Variants in DNAI2 observed in about 807,000 individuals in gnomAD.
The protein encoded by DNAI2 is dynein axonemal intermediate chain 2.
A neutral mutation model predicts 74.7 loss-of-function variants in DNAI2; 63 were observed. That is an observed-to-expected ratio of 0.84 (90% CI 0.69 to 1.04). The LOEUF is 1.04. DNAI2 is among the 50% of genes least tolerant of loss of function. DNAI2 has a pLI of 0.00. For missense variants in DNAI2, 688 were observed against 803.2 expected (o/e 0.86, Z 1.73); for synonymous variants, 289 against 314.9 (o/e 0.92, Z 0.87).
chr17:74,292,741 C>T (rs1215347219), intron 6 of DNAI2, among the ~76,000 whole-genome samples: 1 of 151,656 alleles, frequency 6.6e-6, no homozygotes, highest in Non-Finnish European at 1.5e-5. Flanking sequence ...TTTATTGAGA[C>T]TTGTTTTATG....
rs549880425 is a variant in DNAI2, at chr17:74,309,060, C to CA, written c.1212-174dup. ...CCTGGGCAACAGAGCAAGAGTGTCT[C>CA]AAAAAAAAAAAAAAAAAAAGCAACC... is the stretch of plus-strand genomic sequence containing the variant. On this transcript the variant is annotated intron_variant, in intron 9 of 13. Coordinates refer to ENST00000311014, the MANE Select transcript of DNAI2 (RefSeq NM_023036.6). 0.025 allele frequency among the ~76,000 whole-genome samples: 1,339 copies of CA among 53,362 alleles called. 15 individuals are homozygous for CA. The highest frequency in any genetic ancestry group is 0.064 in the South Asian group (100 of 1,554). The allele number at this position is 53,362 out of a possible 152,430, so 35.0% of individuals were successfully genotyped here.
chr17:74,282,610 T>G (rs1465862222), intron 2 of DNAI2, among the ~76,000 whole-genome samples: 4 of 152,156 alleles, frequency 2.6e-5, no homozygotes, highest in East Asian at 1.9e-4. Context: ...GTGGGAGAGA[T>G]ATTCTGAGGG....
chr17:74,306,945 T>C (rs574594577), intron 9 of DNAI2, among the ~76,000 whole-genome samples: 1 of 152,262 alleles, frequency 6.6e-6, no homozygotes, highest in African/African-American at 2.4e-5. Context: ...AAATCCAGAT[T>C]CTCAGCCCCA....
At chr17:74,285,502 T>C (rs910384543) in intron 3 of DNAI2, among the ~76,000 whole-genome samples, 2 of 152,168 alleles carry the variant, frequency 1.3e-5, no homozygotes, top group Non-Finnish European at 2.9e-5. Flanking sequence ...ATTCATTCAT[T>C]TGACAAATTT....
At chr17:74,297,916 G>A (rs1300153883) in intron 6 of DNAI2, among the ~76,000 whole-genome samples, 3 of 152,174 alleles carry the variant, frequency 2.0e-5, no homozygotes, top group Non-Finnish European at 2.9e-5. Context: ...CAGGATGGCT[G>A]AGAAACTCCT....
At chr17:74,311,640 A>T (rs990885822) in intron 11 of DNAI2, among the ~76,000 whole-genome samples, 3 of 152,058 alleles carry the variant, frequency 2.0e-5, no homozygotes, top group African/African-American at 7.2e-5. Flanking sequence ...AAAAAAGGAA[A>T]ACCCCTAGTG....
At chr17:74,308,450 C>T (rs984685070) in intron 9 of DNAI2, among the ~76,000 whole-genome samples, 1 of 152,202 alleles carries the variant, frequency 6.6e-6, no homozygotes, top group Non-Finnish European at 1.5e-5. Context: ...TCCAGCAACA[C>T]GTGCCTGCTG....
At position 74,300,968 on chromosome 17, in the gene DNAI2, T is replaced by C; in HGVS notation, c.865-78T>C. The C allele has an allele frequency of 6.3e-7, 1 of 1,594,966 alleles. No individual in the cohort carries two copies. The highest frequency in any genetic ancestry group is 2.1e-4 in the Middle Eastern group (1 of 4,804). ...GGCCCAGTGGCTGACCCCAGGACGG[T>C]GGGGTGAGGGCGGAGAAGGCAAAAG... On this transcript the variant is annotated intron_variant, in intron 7 of 13. Transcript: ENST00000311014. This position sits in a 1 kb window ranked among gnomAD's most constrained non-coding sequence, Gnocchi z 4.5.
At position 74,311,999 on chromosome 17, in the gene DNAI2, C is replaced by T. The variant is rs765760420; in HGVS notation, c.1495-4C>T. On this transcript the variant is annotated splice_region_variant and splice_polypyrimidine_tract_variant and intron_variant, in intron 11 of 13. Coordinates refer to ENST00000311014, the MANE Select transcript of DNAI2 (RefSeq NM_023036.6). ...CCGGGCTCTCTCTGTCCCTGGGTGC[C>T]CAGATGTTTGAGCGTGAGACCCGGC... 3.7e-6 allele frequency: 6 copies of T among 1,611,208 alleles called. No homozygotes were observed. The Admixed American group carries it at 5.0e-5, about 13-fold the overall frequency.
intron 9 of DNAI2, among the ~76,000 whole-genome samples, chr17:74,308,640 G>A (rs1328352752): frequency 6.6e-6 from 1 of 152,150 alleles, no homozygotes; most frequent in Admixed American, 6.5e-5. Flanking sequence ...TCCCATCTCA[G>A]CCTCCCGAGG....
chr17:74,276,350 C>T (rs899767061), intron 1 of DNAI2, among the ~76,000 whole-genome samples: 40 of 152,274 alleles, frequency 2.6e-4, no homozygotes, highest in African/African-American at 7.2e-4. Flanking sequence ...GTGTTCTTCA[C>T]GCCTCTGGGA....
chr17:74,292,976 C>A (rs1314099224), intron 6 of DNAI2, among the ~76,000 whole-genome samples: 1 of 152,020 alleles, frequency 6.6e-6, no homozygotes, highest in South Asian at 2.1e-4. Flanking sequence ...ACTACAGGTG[C>A]CTGCCACCAC....
At chr17:74,306,841 CT>C (rs2053217476) in intron 9 of DNAI2, among the ~76,000 whole-genome samples, 1 of 152,254 alleles carries the variant, frequency 6.6e-6, no homozygotes, top group Non-Finnish European at 1.5e-5. Flanking sequence ...TGGTCTCAAA[CT>C]CCTGACCTCA....
intron 6 of DNAI2, among the ~76,000 whole-genome samples, chr17:74,298,436 C>T (rs959437092): frequency 1.3e-5 from 2 of 152,118 alleles, no homozygotes; most frequent in South Asian, 2.1e-4. Context: ...TCCTGAGAAG[C>T]TGGGATTACA....
intron 8 of DNAI2, among the ~76,000 whole-genome samples, chr17:74,301,377 C>A (rs2052752104): frequency 6.6e-6 from 1 of 152,214 alleles, no homozygotes; most frequent in African/African-American, 2.4e-5. Flanking sequence ...ACACCATAGT[C>A]ATCATGGCAC....
chr17:74,300,914 C>A lies in DNAI2; in HGVS notation c.865-132C>A. 1.6e-6 allele frequency: 2 copies of A among 1,273,816 alleles called. No individual in the cohort carries two copies. The highest frequency in any genetic ancestry group is 2.2e-6 in the Non-Finnish European group (2 of 892,294). 78.9% of individuals were successfully genotyped at this position (1,273,816 alleles called of 1,614,324 possible). On this transcript the variant is annotated intron_variant, in intron 7 of 13. Transcript: ENST00000311014. The surrounding 1 kb of genome is among the most constrained non-coding windows in gnomAD (Gnocchi z 4.5). ...GCAATCCTCAAAGTGTATTTGCTCC[C>A]ACGAATTGCCGGGAGCTCCATCCTT...
At chr17:74,278,777 A>G (rs926725831) in intron 1 of DNAI2, among the ~76,000 whole-genome samples, 18 of 152,272 alleles carry the variant, frequency 1.2e-4, no homozygotes, top group African/African-American at 4.3e-4. Context: ...CCATCTCAAA[A>G]AAAAAGAAAG....
intron 4 of DNAI2, among the ~76,000 whole-genome samples, chr17:74,288,785 C>G (rs2051907366): frequency 6.6e-6 from 1 of 152,006 alleles, no homozygotes; most frequent in Non-Finnish European, 1.5e-5. Flanking sequence ...TCTGTGGCCT[C>G]GGTTTTGACC....
Position 74,286,794 on chromosome 17 carries a change from C to T in DNAI2, c.346-183C>T, listed in dbSNP as rs190747648. 3.2e-4 allele frequency among the ~76,000 whole-genome samples: 49 copies of T among 152,202 alleles called. 1 individual carries two copies. The East Asian group carries it at 9.3e-3, about 29-fold the overall frequency. ...GCTGCATGTATTTCCATGCTTTGTA[C>T]CTAAAAAGCAATATTATTTTACCCC... On this transcript the variant is annotated intron_variant, in intron 3 of 13. Transcript: ENST00000311014.
Sources: gnomAD v4.1 joint callset for allele counts (sites outside exome capture counted in the v4.1 genomes callset) on GRCh38, gnomAD v4.1.1 for gene constraint, Gnocchi (gnomAD v3.1) non-coding constraint, MANE v1.5 for transcripts, NCBI Gene and HGNC (gene_info 2026-07-23, HGNC 2026-07-21) for gene names.